The following SPEF2 variants were observed in gnomAD, a reference collection of about 807,000 sequenced individuals.
SPEF2 encodes the protein sperm flagella and cilia-associated protein 2.
A neutral mutation model predicts 224.6 loss-of-function variants in SPEF2; 187 were observed. The ratio of observed to expected loss-of-function variants is 0.83; its 90% CI spans 0.74 to 0.94. The LOEUF (loss-of-function observed/expected upper bound fraction) is 0.94. Among genes scored for constraint, SPEF2 ranks in the 40% least tolerant of loss-of-function variants. The probability of loss-of-function intolerance (pLI) is 0.00; values close to 1 mark genes in which losing one functional copy is unlikely to be tolerated. For missense variants in SPEF2, 2,170 were observed against 2,135.6 expected, an observed-to-expected ratio of 1.02 and a Z score of -0.32; for synonymous variants, 715 against 707.3, an observed-to-expected ratio of 1.01 and a Z score of -0.17.
At chr5:35,809,734 C>T (rs966040157) in intron 36 of SPEF2, among the ~76,000 whole-genome samples, 7 of 152,078 alleles carry the variant, frequency 4.6e-5, no homozygotes, top group Non-Finnish European at 8.8e-5. Context: ...CTGAGCAGAG[C>T]ATGATATGAT....
intron 36 of SPEF2, among the ~76,000 whole-genome samples, chr5:35,811,617 G>C (rs1026268561): frequency 1.4e-5 from 2 of 144,140 alleles, no homozygotes; most frequent in Admixed American, 1.3e-4. Flanking sequence ...ACCTCATGGT[G>C]GGGGGGGTGG....
chr5:35,724,459 A>G (rs1264247501), intron 20 of SPEF2, among the ~76,000 whole-genome samples: 2 of 152,212 alleles, frequency 1.3e-5, no homozygotes, highest in African/African-American at 4.8e-5. Context: ...CAATGAGCCA[A>G]GTAAATAGTA....
intron 23 of SPEF2, among the ~76,000 whole-genome samples, 177 bp downstream of exon 23, chr5:35,740,444 A>G (rs577500291): frequency 1.3e-4 from 20 of 152,316 alleles, no homozygotes; most frequent in African/African-American, 4.8e-4. Context: ...TGAGTTTAGA[A>G]TGAGAATACC....
chr5:35,742,061 A>G (rs1271950433), intron 23 of SPEF2, among the ~76,000 whole-genome samples: 1 of 152,252 alleles, frequency 6.6e-6, no homozygotes. Flanking sequence ...TGTTTTTACA[A>G]AAATTTGATA....
At chr5:35,683,346 C>G (rs1283302418) in intron 10 of SPEF2, among the ~76,000 whole-genome samples, 1 of 152,028 alleles carries the variant, frequency 6.6e-6, no homozygotes, top group Non-Finnish European at 1.5e-5. Context: ...GCTAGTGGGC[C>G]GGGTGCTGTG....
At chr5:35,740,094 A>T (rs751234520) in intron 22 of SPEF2, 35 bp from the exon 23 acceptor site, 2 of 1,614,078 alleles carry the variant, frequency 1.2e-6, no homozygotes, top group Admixed American at 3.3e-5. Context: ...GAGGCATGAC[A>T]TATAAAATTT....
chr5:35,696,546 C>A (rs527257238), intron 14 of SPEF2, among the ~76,000 whole-genome samples: 1 of 152,278 alleles, frequency 6.6e-6, no homozygotes, highest in African/African-American at 2.4e-5. Flanking sequence ...TAAAATCTCA[C>A]AAATTCCATA....
At chr5:35,631,436 A>G (rs866020841) in intron 2 of SPEF2, among the ~76,000 whole-genome samples, 1 of 152,204 alleles carries the variant, frequency 6.6e-6, no homozygotes, top group African/African-American at 2.4e-5. Flanking sequence ...ACCCACTAGG[A>G]TGGCTATAGG....
chr5:35,751,039 A>ACG (rs1749425604), intron 23 of SPEF2, among the ~76,000 whole-genome samples: 1 of 31,564 alleles, frequency 3.2e-5, no homozygotes, highest in African/African-American at 8.8e-5. Context: ...ATATATACAC[A>ACG]TATGTATATA....
chr5:35,677,806 A>T (rs979109269), intron 10 of SPEF2, among the ~76,000 whole-genome samples: 1 of 152,208 alleles, frequency 6.6e-6, no homozygotes, highest in South Asian at 2.1e-4. Flanking sequence ...AAGGGAGAGG[A>T]TCTCCCAGAA....
At position 35,776,256 on chromosome 5, in the gene SPEF2, G is replaced by A. The variant is rs1278118528; in HGVS notation, c.4079-1G>A. On this transcript the variant is annotated splice_acceptor_variant, in intron 28 of 36. Transcript: ENST00000356031. LOFTEE classifies it high-confidence loss of function. ...ACATTCTTATTTCTCTTTGCAAATAGAAATAGCCACGCAATTTCGACTTGA... is the reference window on the plus strand; with the variant it reads ...ACATTCTTATTTCTCTTTGCAAATAAAAATAGCCACGCAATTTCGACTTGA... 1 of 1,602,748 alleles carries A rather than the reference G, an allele frequency of 6.2e-7. No homozygotes were observed. Among genetic ancestry groups the A allele is most frequent in the Non-Finnish European group, 8.5e-7 (1 of 1,176,486 alleles).
chr5:35,807,587 C>A, intron 36 of SPEF2: 1 of 1,477,856 alleles, frequency 6.8e-7, no homozygotes, highest in Non-Finnish European at 9.1e-7. Flanking sequence ...CTAACCAAGA[C>A]CATGATCTCC....
intron 10 of SPEF2, among the ~76,000 whole-genome samples, chr5:35,676,230 C>T (rs1751981380): frequency 6.6e-6 from 1 of 152,120 alleles, no homozygotes; most frequent in African/African-American, 2.4e-5. Flanking sequence ...AGCCAGCCCT[C>T]TTCCAAGCTC....
intron 34 of SPEF2, among the ~76,000 whole-genome samples, chr5:35,803,447 C>T (rs1757704321): frequency 6.6e-6 from 1 of 152,224 alleles, no homozygotes; most frequent in African/African-American, 2.4e-5. Context: ...TCCAAGGACA[C>T]TGTGGAGGAA....
At chr5:35,689,475 A>C (rs995435552) in intron 10 of SPEF2, among the ~76,000 whole-genome samples, 1 of 151,986 alleles carries the variant, frequency 6.6e-6, no homozygotes, top group Admixed American at 6.6e-5. Context: ...CAAAGTTCCC[A>C]ATAGGTAGCT....
At chr5:35,734,973 G>A (rs994424131) in intron 21 of SPEF2, among the ~76,000 whole-genome samples, 8 of 152,048 alleles carry the variant, frequency 5.3e-5, no homozygotes, top group African/African-American at 1.7e-4. Context: ...GCCTCCCAAA[G>A]TGCTGGGATT....
Position 35,759,711 on chromosome 5 carries a change from C to A in SPEF2, c.3612C>A (p.Ser1204Arg). 6.3e-7 allele frequency: 1 copy of A among 1,581,232 alleles called. No homozygotes were observed. The change falls in exon 25 of 37, where the codon AGC (serine) becomes AGA (arginine). Residue 1204 changes from serine to arginine, a missense_variant. By Grantham distance (110) the Ser-to-Arg change is moderately radical (BLOSUM62 -1). Transcript: ENST00000356031. The stretch of plus-strand genomic sequence containing the variant: ...TGGATAGTAAAGACAATTCTGAAAG[C>A]CAGCTTAGGTAAGGCAGGCTATTAT... The part of the protein sequence containing the change: ...VQLDSKDNSE[S>R]QLRIPLVPRI...
At chr5:35,790,302 C>T in intron 30 of SPEF2, 2 of 598,272 alleles carry the variant, frequency 3.3e-6, no homozygotes, top group South Asian at 4.0e-5. Context: ...TGCAAGAACA[C>T]CGTCTTCAAC....
intron 24 of SPEF2, 33 bp from the exon 25 acceptor site, chr5:35,759,535 C>A: frequency 6.6e-7 from 1 of 1,516,280 alleles, no homozygotes; most frequent in Non-Finnish European, 8.9e-7. Context: ...CTTGTTCTTT[C>A]TTGGATATTA....
Sources: allele counts gnomAD v4.1 joint callset (sites outside exome capture counted in the v4.1 genomes callset), GRCh38; gene constraint gnomAD v4.1.1; transcripts MANE v1.5; gene names NCBI Gene and HGNC (gene_info 2026-07-23, HGNC 2026-07-21).